NRG1: variants seen among roughly 807,000 people sequenced by gnomAD.
NRG1 encodes the protein neuregulin 1.
NRG1 carries 18 observed loss-of-function variants against 63.8 expected under a neutral mutation model. The observed-to-expected ratio is 0.28, with a 90% CI of 0.19 to 0.42. The LOEUF is 0.42. NRG1 is among the 10% of genes least tolerant of loss of function. The pLI, the probability that NRG1 is intolerant of heterozygous loss-of-function variation, is 1.00. For synonymous variants in NRG1, 302 were observed against 301.3 expected, an observed-to-expected ratio of 1.00 and a Z score of -0.02; for missense variants, 762 against 814.7, an observed-to-expected ratio of 0.94 and a Z score of 0.79.
intron 1 of NRG1, among the ~76,000 whole-genome samples, chr8:32,453,210 C>T (rs1290280197): frequency 6.6e-6 from 1 of 151,892 alleles, no homozygotes; most frequent in Non-Finnish European, 1.5e-5. Flanking sequence ...GACACTTTTG[C>T]CTTAGGAAAA....
chr8:32,000,281 A>G (rs1224576718), intron 1 of NRG1, among the ~76,000 whole-genome samples: 1 of 151,978 alleles, frequency 6.6e-6, no homozygotes, highest in Non-Finnish European at 1.5e-5. Flanking sequence ...ATGTATCCAG[A>G]GTTGTTCCCT....
At chr8:31,747,094 A>G (rs1006873946) in intron 1 of NRG1, among the ~76,000 whole-genome samples, 5 of 151,904 alleles carry the variant, frequency 3.3e-5, no homozygotes, top group Non-Finnish European at 7.4e-5. Flanking sequence ...CATAAGACCT[A>G]CTATTTGATA....
At chr8:32,374,502 T>C (rs1809357890) in intron 1 of NRG1, among the ~76,000 whole-genome samples, 1 of 152,218 alleles carries the variant, frequency 6.6e-6, no homozygotes, top group Non-Finnish European at 1.5e-5. Context: ...CTTGAGGTTA[T>C]GCAAAGAAAA....
At chr8:31,641,297 G>C (rs1474403674) in intron 1 of NRG1, among the ~76,000 whole-genome samples, 1 of 151,706 alleles carries the variant, frequency 6.6e-6, no homozygotes, top group African/African-American at 2.4e-5. Flanking sequence ...GTGAATATGT[G>C]TAATATGTGA....
At chr8:32,441,801 G>A (rs1819586439) in intron 1 of NRG1, among the ~76,000 whole-genome samples, 2 of 152,000 alleles carry the variant, frequency 1.3e-5, no homozygotes, top group East Asian at 1.9e-4. Flanking sequence ...TGCCAAGGCC[G>A]AACATCAGGG....
chr8:32,590,181 A>G (rs1842282499), intron 1 of NRG1, among the ~76,000 whole-genome samples: 1 of 152,318 alleles, frequency 6.6e-6, no homozygotes, highest in African/African-American at 2.4e-5. Flanking sequence ...AAGCATTTGC[A>G]TGTCTGTTTT....
intron 1 of NRG1, among the ~76,000 whole-genome samples, chr8:32,508,313 CAG>C (rs1356975071): frequency 6.7e-6 from 1 of 150,188 alleles, no homozygotes; most frequent in Non-Finnish European, 1.5e-5. Flanking sequence ...TTTTTTGAGA[CAG>C]AGTTTCACAC....
intron 1 of NRG1, among the ~76,000 whole-genome samples, chr8:32,104,621 T>C (rs1831022201): frequency 1.3e-5 from 2 of 152,298 alleles, no homozygotes; most frequent in African/African-American, 4.8e-5. Flanking sequence ...ATTGTACAGC[T>C]GTATAAAAAT....
intron 5 of NRG1, among the ~76,000 whole-genome samples, chr8:32,652,187 A>G (rs1315351734): frequency 6.6e-6 from 1 of 152,214 alleles, no homozygotes; most frequent in African/African-American, 2.4e-5. Flanking sequence ...ACTGAGAATT[A>G]GGGAAGTACT....
intron 1 of NRG1, among the ~76,000 whole-genome samples, chr8:32,470,233 T>G (rs867303960): frequency 2.1e-5 from 3 of 144,472 alleles, no homozygotes; most frequent in South Asian, 2.2e-4. Flanking sequence ...CAGGCTGGAG[T>G]GCAGTGGCGC....
rs376983897 is a variant in NRG1, at chr8:32,129,719, G to A, written c.38-466109G>A. On this transcript the variant is annotated intron_variant, in intron 1 of 10. Coordinates refer to the NRG1 transcript ENST00000519301. ...GGTGGAAAAAGCTTCCCCAGATCACGATAAAAAGCTGTGTCGATCTAATCA... is the reference window on the plus strand; with the variant it reads ...GGTGGAAAAAGCTTCCCCAGATCACAATAAAAAGCTGTGTCGATCTAATCA... Among the ~76,000 whole-genome samples, 128 of 151,906 alleles carry A rather than the reference G, an allele frequency of 8.4e-4. 2 individuals carry two copies. Among genetic ancestry groups the A allele is most frequent in the African/African-American group, 2.9e-3 (121 of 41,480 alleles).
chr8:32,562,952 C>T (rs982477156), intron 1 of NRG1, among the ~76,000 whole-genome samples: 3 of 152,084 alleles, frequency 2.0e-5, no homozygotes, highest in Non-Finnish European at 2.9e-5. Flanking sequence ...GATTCAAAGT[C>T]GGCATTTTAT....
chr8:31,886,902 T>C (rs1830762600), intron 1 of NRG1, among the ~76,000 whole-genome samples: 1 of 152,094 alleles, frequency 6.6e-6, no homozygotes, highest in Non-Finnish European at 1.5e-5. Context: ...GTTGATTTTC[T>C]TTCCATCATC....
chr8:31,903,006 G>A (rs986939128), intron 1 of NRG1, among the ~76,000 whole-genome samples: 1 of 152,148 alleles, frequency 6.6e-6, no homozygotes, highest in Non-Finnish European at 1.5e-5. Context: ...CACATATTGT[G>A]AGAAAGCCCA....
chr8:31,784,473 C>T (rs1586391216), intron 1 of NRG1, among the ~76,000 whole-genome samples: 1 of 152,310 alleles, frequency 6.6e-6, no homozygotes, highest in Admixed American at 6.5e-5. Context: ...GTCCCTAATG[C>T]TCAATCTGTG....
At chr8:31,811,442 C>T (rs1054791901) in intron 1 of NRG1, among the ~76,000 whole-genome samples, 7 of 152,104 alleles carry the variant, frequency 4.6e-5, no homozygotes, top group East Asian at 3.8e-4. Context: ...AAATTTTCCC[C>T]GATGTGCCAT....
intron 1 of NRG1, among the ~76,000 whole-genome samples, chr8:31,965,245 C>T (rs1410165516): frequency 2.0e-5 from 3 of 148,264 alleles, no homozygotes; most frequent in Non-Finnish European, 4.4e-5. Flanking sequence ...TTTTTTGAGA[C>T]AGAGTCTCAC....
At chr8:31,958,056 T>TAGATAGAC (rs1398200266) in intron 1 of NRG1, among the ~76,000 whole-genome samples, 1 of 151,038 alleles carries the variant, frequency 6.6e-6, no homozygotes, top group East Asian at 2.0e-4. Context: ...GATAGATAGA[T>TAGATAGAC]AGATAGATAG....
intron 5 of NRG1, among the ~76,000 whole-genome samples, chr8:32,619,717 G>A (rs1848002465): frequency 6.6e-6 from 1 of 152,110 alleles, no homozygotes; most frequent in Non-Finnish European, 1.5e-5. Flanking sequence ...TTAACTTTTG[G>A]TGTTCCATTT....
Sources: allele counts gnomAD v4.1 joint callset (sites outside exome capture counted in the v4.1 genomes callset), GRCh38; gene constraint gnomAD v4.1.1; transcripts MANE v1.5; gene names NCBI Gene and HGNC (gene_info 2026-07-23, HGNC 2026-07-21).